The following HLA-DRB5 variants were observed in gnomAD, a reference collection of about 807,000 sequenced individuals.
HLA-DRB5 encodes the protein major histocompatibility complex, class II, DR beta 5, also known as DR beta-5.
A neutral mutation model predicts 22.4 loss-of-function variants in HLA-DRB5; 11 were observed. The ratio of observed to expected loss-of-function variants is 0.49; its 90% CI spans 0.31 to 0.81. HLA-DRB5 has a LOEUF of 0.81. Ranked by LOEUF, HLA-DRB5 falls within the 40% of genes least tolerant of loss-of-function variation. The probability of loss-of-function intolerance (pLI) is 0.05; values close to 1 mark genes in which losing one functional copy is unlikely to be tolerated. For missense variants in HLA-DRB5, 106 were observed against 274.4 expected, an observed-to-expected ratio of 0.39 and a Z score of 4.34; for synonymous variants, 57 against 106.0, an observed-to-expected ratio of 0.54 and a Z score of 2.84.
intron 3 of HLA-DRB5, 131 bp downstream of exon 3, chr6:32,519,239 C>G (rs1298407275): frequency 1.6e-5 from 8 of 515,484 alleles, no homozygotes; most frequent in Admixed American, 9.9e-5. Context: ...CCCCAGTGAC[C>G]TGTGCTAATG....
intron 1 of HLA-DRB5, 135 bp from the exon 2 acceptor site, chr6:32,522,309 C>T (rs1181117915): frequency 8.1e-4 from 183 of 225,190 alleles, no homozygotes; most frequent in South Asian, 3.1e-3. Flanking sequence ...ACCCCGACCA[C>T]GCGCAGCCCA....
intron 3 of HLA-DRB5, among the ~76,000 whole-genome samples, chr6:32,518,932 T>A (rs150860760): frequency 1.7e-5 from 1 of 57,566 alleles, no homozygotes; most frequent in African/African-American, 6.2e-5. Context: ...CTCAATGAGG[T>A]TAAATAGTTT....
rs1294289891 is a variant in HLA-DRB5, at chr6:32,520,220, A to G, written c.371-569T>C. On this transcript the variant is annotated intron_variant, in intron 2 of 5. Coordinates refer to ENST00000374975, the MANE Select transcript of HLA-DRB5 (RefSeq NM_002125.4). ...TGGGTGTTCCACTTGCCACCTATTT[A>G]TCATCCTTGTACAGTTTGAGAGAAA... Among the ~76,000 whole-genome samples, 4 of 65,802 alleles carry G rather than the reference A, an allele frequency of 6.1e-5. 1 individual carries two copies. Among genetic ancestry groups the G allele is most frequent in the Non-Finnish European group, 9.3e-5 (3 of 32,192 alleles). The allele number at this position is 65,802 out of a possible 152,430, so 43.2% of individuals were successfully genotyped here. A position where few individuals can be genotyped will look rare whatever the true frequency, so the allele number is the denominator to read the frequency against.
chr6:32,521,583 TCTC>T (rs1377146714), intron 2 of HLA-DRB5, among the ~76,000 whole-genome samples: 776 of 78,830 alleles, frequency 9.8e-3, no homozygotes, highest in East Asian at 0.013. Context: ...ACAACCAAGG[TCTC>T]CTCTCTCTCC....
chr6:32,518,681 C>T lies in HLA-DRB5; in HGVS notation c.653-15G>A. On this transcript the variant is annotated splice_polypyrimidine_tract_variant and intron_variant, in intron 3 of 5. Coordinates refer to ENST00000374975, the MANE Select transcript of HLA-DRB5 (RefSeq NM_002125.4). ...AGACTGTGCTCCTGGGAGAGGAAAC[C>T]AGGTTTAGTGATTTTTATCCCAAAT... The T allele has an allele frequency of 1.1e-5, 7 of 615,862 alleles. 3 individuals are homozygous for T. The highest frequency in any genetic ancestry group is 1.6e-5 in the Non-Finnish European group (7 of 443,688). 38.1% of individuals were successfully genotyped at this position (615,862 alleles called of 1,614,324 possible).
At chr6:32,529,606 A>G (rs1379689932) in intron 1 of HLA-DRB5, among the ~76,000 whole-genome samples, 31 of 90,806 alleles carry the variant, frequency 3.4e-4, no homozygotes, top group Middle Eastern at 7.0e-3. Context: ...TAAACATTGG[A>G]GTTCAGAAAG....
At chr6:32,528,051 G>A (rs114102372) in intron 1 of HLA-DRB5, among the ~76,000 whole-genome samples, 1 of 32,992 alleles carries the variant, frequency 3.0e-5, no homozygotes, top group Non-Finnish European at 6.2e-5. Flanking sequence ...CCTTCTTTCT[G>A]TCCCTGCACA....
intron 1 of HLA-DRB5, among the ~76,000 whole-genome samples, chr6:32,524,994 T>C (rs144607744): frequency 0.023 from 813 of 34,804 alleles, 282 homozygotes; most frequent in Middle Eastern, 0.04. Flanking sequence ...AACACATGCC[T>C]ATGATAGACT....
chr6:32,526,047 T>A (rs1339381271), intron 1 of HLA-DRB5, among the ~76,000 whole-genome samples: 2 of 117,060 alleles, frequency 1.7e-5, no homozygotes, highest in Non-Finnish European at 3.6e-5. Context: ...CCTTTTCCTT[T>A]TGATCCAGCT....
chr6:32,520,011 TTTC>T (rs1332970367), intron 2 of HLA-DRB5, among the ~76,000 whole-genome samples: 97 of 32,970 alleles, frequency 2.9e-3, no homozygotes, highest in Middle Eastern at 0.022. Flanking sequence ...TGGAAGAGTT[TTTC>T]GATTCTTCTG....
intron 2 of HLA-DRB5, among the ~76,000 whole-genome samples, chr6:32,520,201 T>C (rs114011941): frequency 0.39 from 14,545 of 36,990 alleles, 5,661 homozygotes; most frequent in East Asian, 0.46. Context: ...CACTTGGGTG[T>C]TCCACTTGCC....
At chr6:32,520,465 G>A (rs796969405) in intron 2 of HLA-DRB5, among the ~76,000 whole-genome samples, 24 of 77,512 alleles carry the variant, frequency 3.1e-4, no homozygotes, top group South Asian at 1.2e-3. Context: ...ATTAAGGAAA[G>A]TTATTTTAGT....
chr6:32,523,021 G>A (rs111591421), intron 1 of HLA-DRB5, among the ~76,000 whole-genome samples: 15,972 of 105,734 alleles, frequency 0.15, 28 homozygotes, highest in Admixed American at 0.18. Context: ...AGGGGAAGGA[G>A]GGTAAAAGAT....
intron 3 of HLA-DRB5, among the ~76,000 whole-genome samples, chr6:32,518,872 G>A (rs574064711): frequency 0.027 from 1,411 of 51,940 alleles, 15 homozygotes; most frequent in Non-Finnish European, 0.035. Flanking sequence ...TAATATTACA[G>A]CCCTGATGTA....
chr6:32,529,151 A>G, intron 1 of HLA-DRB5, among the ~76,000 whole-genome samples: 1 of 141,876 alleles, frequency 7.0e-6, no homozygotes, highest in Non-Finnish European at 1.5e-5. Context: ...TAAGACAATG[A>G]GTTCCCAGGA....
chr6:32,519,804 G>A (rs1768595893), intron 2 of HLA-DRB5, among the ~76,000 whole-genome samples, 153 bp from the exon 3 acceptor site: 1 of 94,570 alleles, frequency 1.1e-5, no homozygotes, highest in African/African-American at 4.8e-5. Flanking sequence ...CATCAGCCTG[G>A]AATTTAGTCT....
At chr6:32,529,955 G>T in intron 1 of HLA-DRB5, among the ~76,000 whole-genome samples, 170 bp downstream of exon 1, 1 of 151,134 alleles carries the variant, frequency 6.6e-6, no homozygotes, top group Admixed American at 6.6e-5. Context: ...GAGAGGGCAA[G>T]TAGTCAAGCT....
chr6:32,526,208 A>AGC (rs1769614033), intron 1 of HLA-DRB5, among the ~76,000 whole-genome samples: 1,656 of 45,698 alleles, frequency 0.036, 15 homozygotes, highest in Non-Finnish European at 0.048. Context: ...CAGCTCCACC[A>AGC]ATCCCAGCCG....
intron 1 of HLA-DRB5, among the ~76,000 whole-genome samples, chr6:32,525,152 C>A (rs532180052): frequency 0.41 from 18,443 of 45,490 alleles, 7,551 homozygotes; most frequent in Middle Eastern, 0.44. Context: ...CAGACACAAT[C>A]AAGTCACTAC....
Sources: gnomAD v4.1 joint callset for allele counts (sites outside exome capture counted in the v4.1 genomes callset) on GRCh38, gnomAD v4.1.1 for gene constraint, MANE v1.5 for transcripts, NCBI Gene and HGNC (gene_info 2026-07-23, HGNC 2026-07-21) for gene names.